ABI2: variants seen among roughly 807,000 people sequenced by gnomAD.
ABI2 encodes the protein abl interactor 2, also known as abelson interactor 2.
Under a neutral mutation model 59.2 loss-of-function variants are expected in ABI2, and 25 were observed. The ratio of observed to expected loss-of-function variants is 0.42; its 90% CI spans 0.31 to 0.59. ABI2 has a LOEUF of 0.59. Among genes scored for constraint, ABI2 ranks in the 20% least tolerant of loss-of-function variants. ABI2 has a pLI of 0.14. For missense variants in ABI2, 545 were observed against 681.8 expected (o/e 0.80, Z 2.23); for synonymous variants, 213 against 235.5 (o/e 0.90, Z 0.87).
chr2:203,398,714 C>T (rs910370469), intron 8 of ABI2, among the ~76,000 whole-genome samples: 8 of 152,146 alleles, frequency 5.3e-5, no homozygotes, highest in Non-Finnish European at 5.9e-5. Context: ...TCAGTCCTTC[C>T]CTTCCACTCC....
At chr2:203,342,123 G>T in intron 1 of ABI2, 1 of 426,142 alleles carries the variant, frequency 2.3e-6, no homozygotes, top group South Asian at 1.7e-5. Context: ...AATTTTTGTT[G>T]AGTAAAATGA....
intron 1 of ABI2, among the ~76,000 whole-genome samples, chr2:203,329,767 C>T (rs1380074311): frequency 6.6e-6 from 1 of 151,604 alleles, no homozygotes; most frequent in Non-Finnish European, 1.5e-5. Flanking sequence ...GACACAACCT[C>T]GTTCTGTAGT....
intron 2 of ABI2, among the ~76,000 whole-genome samples, chr2:203,371,068 A>C (rs556346268): frequency 5.3e-5 from 8 of 152,284 alleles, no homozygotes; most frequent in African/African-American, 1.7e-4. Context: ...CTTTGAACTT[A>C]GGTTTTTTCA....
At position 203,416,898 on chromosome 2, in the gene ABI2, A is replaced by T; in HGVS notation, c.1280-10A>T. ...CATATAGTTTTGTTGTCAGCCTGATACGTTCTTAGTTTCAGATACACCACC... is the reference window on the plus strand; with the variant it reads ...CATATAGTTTTGTTGTCAGCCTGATTCGTTCTTAGTTTCAGATACACCACC... On this transcript the variant is annotated splice_polypyrimidine_tract_variant and intron_variant, in intron 10 of 11. Coordinates refer to ENST00000261018, the MANE Select transcript of ABI2 (RefSeq NM_001375670.1). 6.2e-7 allele frequency: 1 copy of T among 1,605,336 alleles called. No individual in the cohort carries two copies. The highest frequency in any genetic ancestry group is 1.1e-5 in the South Asian group (1 of 89,814).
chr2:203,343,048 T>G (rs2080973213), intron 1 of ABI2, among the ~76,000 whole-genome samples: 1 of 152,142 alleles, frequency 6.6e-6, no homozygotes, highest in African/African-American at 2.4e-5. Flanking sequence ...AAGGAGAACT[T>G]TATTTCCTAT....
At chr2:203,332,324 A>G (rs1407567120) in intron 1 of ABI2, among the ~76,000 whole-genome samples, 1 of 151,764 alleles carries the variant, frequency 6.6e-6, no homozygotes, top group Non-Finnish European at 1.5e-5. Context: ...GTTTTTCTTC[A>G]TTTATTAATA....
chr2:203,394,144 G>A (rs905426874), intron 5 of ABI2, among the ~76,000 whole-genome samples: 15 of 152,172 alleles, frequency 9.9e-5, no homozygotes, highest in Non-Finnish European at 2.1e-4. Flanking sequence ...CGGAAGATGA[G>A]ATTAAAGTGT....
chr2:203,426,263 T>C (rs1222915660), intron 11 of ABI2, among the ~76,000 whole-genome samples: 4 of 152,252 alleles, frequency 2.6e-5, no homozygotes, highest in South Asian at 4.2e-4. Flanking sequence ...GGAGATTTCA[T>C]TGAGTGGTAT....
chr2:203,337,552 A>C (rs114552719), intron 1 of ABI2, among the ~76,000 whole-genome samples: 126 of 152,312 alleles, frequency 8.3e-4, no homozygotes, highest in Non-Finnish European at 1.6e-3. Context: ...TATTGTTAAC[A>C]TGTCCATACT....
chr2:203,340,121 C>G (rs1174680310), intron 1 of ABI2, among the ~76,000 whole-genome samples: 1 of 152,156 alleles, frequency 6.6e-6, no homozygotes, highest in African/African-American at 2.4e-5. Context: ...AAGCCAGGCA[C>G]AGAAAGACAA....
At chr2:203,342,308 T>A in intron 1 of ABI2, 1 of 439,840 alleles carries the variant, frequency 2.3e-6, no homozygotes, top group Non-Finnish European at 4.5e-6. Context: ...AATTTTGAAT[T>A]AATGGAGTTG....
At chr2:203,405,625 C>T (rs1194630581) in intron 9 of ABI2, among the ~76,000 whole-genome samples, 1 of 151,822 alleles carries the variant, frequency 6.6e-6, no homozygotes, top group Admixed American at 6.6e-5. Flanking sequence ...TTCATATTTA[C>T]AATGAGAATA....
At chr2:203,404,251 G>C (rs1039512524) in intron 9 of ABI2, among the ~76,000 whole-genome samples, 1 of 152,172 alleles carries the variant, frequency 6.6e-6, no homozygotes, top group Non-Finnish European at 1.5e-5. Context: ...AATGCCAAAT[G>C]AATCCCTTGT....
intron 2 of ABI2, among the ~76,000 whole-genome samples, chr2:203,371,549 GC>G (rs1024943676): frequency 3.9e-5 from 6 of 152,082 alleles, no homozygotes; most frequent in African/African-American, 1.4e-4. Context: ...GTATTTTAGG[GC>G]TGGTAAATTT....
At chr2:203,393,413 T>C (rs2096850044) in intron 5 of ABI2, among the ~76,000 whole-genome samples, 1 of 152,236 alleles carries the variant, frequency 6.6e-6, no homozygotes, top group Non-Finnish European at 1.5e-5. Flanking sequence ...GTTGGAGAAA[T>C]TAATGTTTCC....
chr2:203,395,448 T>TATATATACACACACACAC (rs750379504), intron 6 of ABI2, among the ~76,000 whole-genome samples: 6 of 115,316 alleles, frequency 5.2e-5, no homozygotes, highest in Admixed American at 1.0e-4. Flanking sequence ...TATATATATA[T>TATATATACACACACACAC]ACACACACAC....
chr2:203,409,226 A>G (rs113272073), intron 9 of ABI2, among the ~76,000 whole-genome samples: 29 of 152,268 alleles, frequency 1.9e-4, no homozygotes, highest in African/African-American at 7.0e-4. Flanking sequence ...TCTGAGTGGG[A>G]AGCAGACACG....
In ABI2 at chr2:203,406,021, T is replaced by A. The variant is rs1260798872; in HGVS notation, c.1192+3287T>A. 2.6e-5 allele frequency among the ~76,000 whole-genome samples: 4 copies of A among 152,318 alleles called. 1 individual carries two copies. In the East Asian group the frequency reaches 7.7e-4, roughly 29 times the overall value. ...GGAAAGGAACCCTTTGATCAGGGCA[T>A]AACTGAAATCCCTTTGGTTCTCATT... On this transcript the variant is annotated intron_variant, in intron 9 of 11. Transcript: ENST00000261018.
intron 1 of ABI2, among the ~76,000 whole-genome samples, chr2:203,350,808 G>A (rs1376524520): frequency 6.6e-6 from 1 of 151,832 alleles, no homozygotes; most frequent in African/African-American, 2.4e-5. Context: ...AAAGTGCTGG[G>A]ATTATAGGCA....
Sources: allele counts gnomAD v4.1 joint callset (sites outside exome capture counted in the v4.1 genomes callset), GRCh38; gene constraint gnomAD v4.1.1; transcripts MANE v1.5; gene names NCBI Gene and HGNC (gene_info 2026-07-23, HGNC 2026-07-21).